The following SLF1 variants were observed in gnomAD, a reference collection of about 807,000 sequenced individuals.
The protein encoded by SLF1 is SMC5-SMC6 complex localization factor protein 1.
Under a neutral mutation model 123.0 loss-of-function variants are expected in SLF1, and 105 were observed. The observed-to-expected ratio is 0.85, with a 90% confidence interval of 0.73 to 1.00. SLF1 has a LOEUF of 1.00. Ranked by LOEUF, SLF1 falls within the 50% of genes least tolerant of loss-of-function variation. The pLI, the probability that SLF1 is intolerant of heterozygous loss-of-function variation, is 0.00. For missense variants in SLF1, 1,239 were observed against 1,223.0 expected (o/e 1.01, Z -0.20); for synonymous variants, 434 against 406.6 (o/e 1.07, Z -0.81).
At chr5:94,694,568 A>G (rs1753377629) in intron 20 of SLF1, among the ~76,000 whole-genome samples, 1 of 151,798 alleles carries the variant, frequency 6.6e-6, no homozygotes, top group Non-Finnish European at 1.5e-5. Context: ...AGTTTTATAA[A>G]AGTTTTTATT....
At position 94,648,877 on chromosome 5, in the gene SLF1, G is replaced by A. The variant is rs572726476; in HGVS notation, c.595-577G>A. ...CTTACAGAATTATATGTATAAGTAT[G>A]TATGCAATGAATTTTAAAATAATTA... On this transcript the variant is annotated intron_variant, in intron 5 of 20. Coordinates refer to ENST00000265140, the MANE Select transcript of SLF1 (RefSeq NM_032290.4). Among the ~76,000 whole-genome samples, 8 of 152,326 alleles carry A rather than the reference G, an allele frequency of 5.3e-5. No homozygotes were observed. The South Asian group carries it at 1.2e-3, about 24-fold the overall frequency.
At chr5:94,639,836 A>G (rs1185488150) in intron 4 of SLF1, among the ~76,000 whole-genome samples, 1 of 152,192 alleles carries the variant, frequency 6.6e-6, no homozygotes, top group African/African-American at 2.4e-5. Flanking sequence ...TCTCAAGGGT[A>G]GCAGAGGCAA....
chr5:94,686,734 T>C lies in SLF1; in HGVS notation c.2121+16T>C. 1 of 1,591,766 alleles carries C rather than the reference T, an allele frequency of 6.3e-7. No homozygotes were observed. On this transcript the variant is annotated intron_variant, in intron 16 of 20. Coordinates refer to ENST00000265140, the MANE Select transcript of SLF1 (RefSeq NM_032290.4). ...TCAGAAAATGGTAAGTACCTCTCTA[T>C]TCTGGTTCTTTACATTTTCAAGAAG...
At chr5:94,689,902 T>C (rs1236531834) in intron 18 of SLF1, among the ~76,000 whole-genome samples, 2 of 152,182 alleles carry the variant, frequency 1.3e-5, no homozygotes, top group Non-Finnish European at 2.9e-5. Context: ...CCGCCTTACT[T>C]TTCTATTCCA....
chr5:94,657,392 T>C (rs1748531218), intron 9 of SLF1, among the ~76,000 whole-genome samples: 1 of 152,090 alleles, frequency 6.6e-6, no homozygotes, highest in Non-Finnish European at 1.5e-5. Flanking sequence ...TATTCCATTG[T>C]TGTCTGAGAA....
At chr5:94,650,928 G>A (rs1015900243) in intron 6 of SLF1, among the ~76,000 whole-genome samples, 2 of 152,142 alleles carry the variant, frequency 1.3e-5, no homozygotes, top group Admixed American at 6.5e-5. Flanking sequence ...AATAAACATG[G>A]CAAAAGAATA....
At chr5:94,635,286 C>T (rs1431738238) in intron 4 of SLF1, among the ~76,000 whole-genome samples, 1 of 143,190 alleles carries the variant, frequency 7.0e-6, no homozygotes, top group Non-Finnish European at 1.5e-5. Context: ...CATTTTCACT[C>T]TGTGTGTCCT....
intron 16 of SLF1, among the ~76,000 whole-genome samples, chr5:94,687,937 G>T (rs1301624304): frequency 6.6e-6 from 1 of 150,486 alleles, no homozygotes; most frequent in Non-Finnish European, 1.5e-5. Flanking sequence ...TTTTATTTTG[G>T]CTATCTTTAG....
At chr5:94,625,506 C>G (rs1200201179) in intron 1 of SLF1, among the ~76,000 whole-genome samples, 1 of 151,946 alleles carries the variant, frequency 6.6e-6, no homozygotes, top group Admixed American at 6.6e-5. Context: ...GCCTCAGCCT[C>G]CCGAGTAGCT....
chr5:94,628,431 C>G (rs537026963), intron 1 of SLF1, among the ~76,000 whole-genome samples: 2 of 152,344 alleles, frequency 1.3e-5, no homozygotes, highest in East Asian at 3.9e-4. Flanking sequence ...GCCACTGCAC[C>G]CAGCCCAACA....
chr5:94,662,374 G>C (rs1180963570), intron 10 of SLF1, 23 bp downstream of exon 10: 2 of 1,518,604 alleles, frequency 1.3e-6, no homozygotes, highest in Non-Finnish European at 1.8e-6. Context: ...GAGCAGCATT[G>C]GTGATGGGGG....
chr5:94,686,857 G>A (rs535581650), intron 16 of SLF1, 139 bp downstream of exon 16: 12 of 989,860 alleles, frequency 1.2e-5, no homozygotes, highest in African/African-American at 6.6e-5. Context: ...GCGCAATCGC[G>A]GCTCACTGTA....
chr5:94,620,246 A>T (rs115119759), intron 1 of SLF1: 2 of 152,240 alleles, frequency 1.3e-5, no homozygotes, highest in South Asian at 4.1e-4. Flanking sequence ...ATTTTATTGT[A>T]AAGACAGCGA....
chr5:94,656,468 T>C (rs1052114152), intron 9 of SLF1, among the ~76,000 whole-genome samples: 2 of 152,008 alleles, frequency 1.3e-5, no homozygotes, highest in African/African-American at 4.8e-5. Flanking sequence ...TGTTGTGTCT[T>C]TGTCTGGTTT....
At chr5:94,625,508 C>T (rs111609073) in intron 1 of SLF1, among the ~76,000 whole-genome samples, 11,263 of 151,858 alleles carry the variant, frequency 0.074, 462 homozygotes, top group South Asian at 0.12. Flanking sequence ...CTCAGCCTCC[C>T]GAGTAGCTGA....
At chr5:94,687,690 T>TCAACAACAACAA (rs142879632) in intron 16 of SLF1, among the ~76,000 whole-genome samples, 140 of 150,242 alleles carry the variant, frequency 9.3e-4, no homozygotes, top group African/African-American at 3.0e-3. Flanking sequence ...AGACCCTGTC[T>TCAACAACAACAA]CAACAACAAC....
Position 94,629,128 on chromosome 5 carries a change from C to T in SLF1, c.151C>T (p.Leu51=). The stretch of plus-strand genomic sequence containing the variant: ...TTGTACACATCTTATAGCTGAACGC[C>T]TATGTAAGAGTGAAAAATTTTTAGC... ...KNCTHLIAER[L]CKSEKFLAAC... Residue 51 remains leucine, a synonymous_variant, in exon 3 of 21, where the codon CTA becomes TTA. Coordinates refer to ENST00000265140, the MANE Select transcript of SLF1 (RefSeq NM_032290.4). The T allele has an allele frequency of 6.5e-7, 1 of 1,548,958 alleles. No individual in the cohort carries two copies.
Position 94,663,824 on chromosome 5 carries a change from A to C in SLF1, c.1284A>C (p.Glu428Asp). The C allele has an allele frequency of 3.2e-6, 5 of 1,550,908 alleles. No individual in the cohort carries two copies. Among genetic ancestry groups the C allele is most frequent in the Non-Finnish European group, 4.4e-6 (5 of 1,146,676 alleles). The change falls in exon 11 of 21, where the codon GAA becomes GAC. Residue 428 changes from glutamate (E) to aspartate (D), a missense_variant. Physicochemically the swap from Glu to Asp is conservative, Grantham distance 45 (BLOSUM62 2). Transcript: ENST00000265140. ...ESLIEGHFFKEAIEELSTLQA... is the reference protein window; with the variant it reads ...ESLIEGHFFKDAIEELSTLQA... The stretch of plus-strand genomic sequence containing the variant: ...TCATAGAAGGACATTTTTTTAAAGA[A>C]GCAATTGAGGAACTTTCCACTTTGC...
intron 1 of SLF1, among the ~76,000 whole-genome samples, chr5:94,621,941 A>C (rs1445842578): frequency 1.3e-5 from 2 of 151,986 alleles, no homozygotes; most frequent in African/African-American, 4.8e-5. Context: ...CTATCTTTGA[A>C]GGATGGGGCA....
Sources: allele counts gnomAD v4.1 joint callset (sites outside exome capture counted in the v4.1 genomes callset), GRCh38; gene constraint gnomAD v4.1.1; transcripts MANE v1.5; gene names NCBI Gene and HGNC (gene_info 2026-07-23, HGNC 2026-07-21).